Variants in TMEM163 observed in about 807,000 individuals in gnomAD.
The protein encoded by TMEM163 is transmembrane protein 163.
A neutral mutation model predicts 29.3 loss-of-function variants in TMEM163; 17 were observed. The observed-to-expected ratio is 0.58, with a 90% CI of 0.40 to 0.87. The LOEUF (loss-of-function observed/expected upper bound fraction) is 0.87. Among genes scored for constraint, TMEM163 ranks in the 40% least tolerant of loss-of-function variants. The pLI, the probability that TMEM163 is intolerant of heterozygous loss-of-function variation, is 0.00. For synonymous variants in TMEM163, 157 were observed against 160.6 expected (o/e 0.98, Z 0.17); for missense variants, 303 against 381.5 (o/e 0.79, Z 1.71).
At chr2:134,521,296 C>T (rs1407165563) in intron 4 of TMEM163, among the ~76,000 whole-genome samples, 2 of 152,148 alleles carry the variant, frequency 1.3e-5, no homozygotes, top group African/African-American at 4.8e-5. Flanking sequence ...CACGCCCAGC[C>T]AGGAACTTTT....
intron 6 of TMEM163, among the ~76,000 whole-genome samples, chr2:134,465,312 A>G (rs577714576): frequency 6.6e-6 from 1 of 152,330 alleles, no homozygotes; most frequent in African/African-American, 2.4e-5. Context: ...ACACATATAT[A>G]TAAACTTTTT....
rs149989908 is a variant in TMEM163, at chr2:134,524,469, C to T, written c.459-21472G>A. Reference sequence around the variant, plus strand: ...TGGTGGTTTGCTGCACCCATCAACACATCACCTAGGTATTAAGCCCCACAT... The same window carrying T: ...TGGTGGTTTGCTGCACCCATCAACATATCACCTAGGTATTAAGCCCCACAT... On this transcript the variant is annotated intron_variant, in intron 4 of 7. Transcript: ENST00000281924. 2.4e-3 allele frequency among the ~76,000 whole-genome samples: 364 copies of T among 150,348 alleles called. 26 individuals carry two copies. Among genetic ancestry groups the T allele is most frequent in the Admixed American group, 0.018 (274 of 15,126 alleles).
chr2:134,512,020 T>G (rs917108846), intron 4 of TMEM163, among the ~76,000 whole-genome samples: 1 of 152,200 alleles, frequency 6.6e-6, no homozygotes, highest in African/African-American at 2.4e-5. Flanking sequence ...TTTGTAGTTG[T>G]GTGTGTGCAG....
intron 4 of TMEM163, among the ~76,000 whole-genome samples, chr2:134,542,413 A>C (rs1435845825): frequency 1.3e-5 from 2 of 152,146 alleles, no homozygotes; most frequent in Non-Finnish European, 2.9e-5. Flanking sequence ...TTAGCTTCGT[A>C]CGGCTGCCAC....
At chr2:134,712,646 T>C (rs1319165759) in intron 2 of TMEM163, among the ~76,000 whole-genome samples, 1 of 152,220 alleles carries the variant, frequency 6.6e-6, no homozygotes, top group Non-Finnish European at 1.5e-5. Context: ...CAGGATTATC[T>C]GGCAGAAACT....
chr2:134,633,993 AT>A (rs1558971783), intron 2 of TMEM163, among the ~76,000 whole-genome samples: 3,460 of 113,230 alleles, frequency 0.031, 277 homozygotes, highest in East Asian at 0.072. Context: ...ATATATATAT[AT>A]ATATATATAT....
chr2:134,599,117 G>A (rs1054983263), intron 2 of TMEM163, among the ~76,000 whole-genome samples: 3 of 151,478 alleles, frequency 2.0e-5, no homozygotes, highest in African/African-American at 7.3e-5. Flanking sequence ...TCTGGGCTCA[G>A]ATGACCTTGC....
intron 2 of TMEM163, among the ~76,000 whole-genome samples, chr2:134,666,251 T>G (rs1683871554): frequency 6.6e-6 from 1 of 151,244 alleles, no homozygotes; most frequent in Non-Finnish European, 1.5e-5. Flanking sequence ...CCCCAATCCT[T>G]TCCCACCCTC....
intron 4 of TMEM163, among the ~76,000 whole-genome samples, chr2:134,546,675 T>C (rs1574226191): frequency 7.4e-6 from 1 of 134,362 alleles, no homozygotes; most frequent in East Asian, 2.2e-4. Context: ...TAGCCAGGTG[T>C]GGTGGTGCAT....
intron 2 of TMEM163, among the ~76,000 whole-genome samples, chr2:134,616,743 G>A (rs982233910): frequency 6.6e-6 from 1 of 152,168 alleles, no homozygotes; most frequent in African/African-American, 2.4e-5. Flanking sequence ...TTGTACTATA[G>A]TTATATAAGA....
intron 2 of TMEM163, among the ~76,000 whole-genome samples, chr2:134,644,246 G>GAT (rs1370506175): frequency 6.6e-6 from 1 of 151,986 alleles, no homozygotes; most frequent in Non-Finnish European, 1.5e-5. Context: ...TTTTTTTCTA[G>GAT]ATATAGAGGA....
chr2:134,456,490 G>T lies in TMEM163; in HGVS notation c.*226C>A. On this transcript the variant is annotated 3_prime_UTR_variant, in exon 8 of 8. Transcript: ENST00000281924. Reference sequence around the variant, plus strand: ...AAAAACGCCAGTCCCAGCTGGAGACGGGGAAGGAGGTCCATTCCTATGGGC... The same window carrying T: ...AAAAACGCCAGTCCCAGCTGGAGACTGGGAAGGAGGTCCATTCCTATGGGC... 1.8e-6 allele frequency: 1 copy of T among 566,924 alleles called. No homozygotes were observed. Among genetic ancestry groups the T allele is most frequent in the Non-Finnish European group, 3.2e-6 (1 of 315,002 alleles). 35.1% of individuals were successfully genotyped at this position (566,924 alleles called of 1,614,324 possible).
Position 134,456,689 on chromosome 2 carries a change from A to G in TMEM163, c.*27T>C, listed in dbSNP as rs994001006. The stretch of plus-strand genomic sequence containing the variant: ...GCCTATGTGGAAACTCCTCATCTCG[A>G]TGGTCTCATGCGGATGCTGGCCCCC... On this transcript the variant is annotated 3_prime_UTR_variant, in exon 8 of 8. Transcript: ENST00000281924. The G allele has an allele frequency of 6.2e-7, 1 of 1,613,546 alleles. No individual in the cohort carries two copies.
In TMEM163 at chr2:134,644,727, G is replaced by A. The variant is rs140008854; in HGVS notation, c.322+68473C>T. Among the ~76,000 whole-genome samples, 786 of 152,022 alleles carry A rather than the reference G, an allele frequency of 5.2e-3. 10 individuals are homozygous for A. Among genetic ancestry groups the A allele is most frequent in the East Asian group, 0.051 (266 of 5,166 alleles). ...AGTTAGGCAAAGAGTTTTTAGACACGACACCAAAAGCATGCTCCATAAAAG... is the reference window on the plus strand; with the variant it reads ...AGTTAGGCAAAGAGTTTTTAGACACAACACCAAAAGCATGCTCCATAAAAG... On this transcript the variant is annotated intron_variant, in intron 2 of 7. Coordinates refer to ENST00000281924, the MANE Select transcript of TMEM163 (RefSeq NM_030923.5).
intron 5 of TMEM163, among the ~76,000 whole-genome samples, chr2:134,480,425 T>C (rs937253325): frequency 1.3e-5 from 2 of 152,194 alleles, no homozygotes; most frequent in African/African-American, 2.4e-5. Context: ...TTTTTTTTAA[T>C]AGCACTTTTC....
intron 2 of TMEM163, among the ~76,000 whole-genome samples, chr2:134,587,151 C>T (rs577498839): frequency 6.6e-6 from 1 of 152,340 alleles, no homozygotes; most frequent in African/African-American, 2.4e-5. Context: ...TGGCTCACGC[C>T]TGTAATCCCA....
At chr2:134,650,889 C>A (rs1424483743) in intron 2 of TMEM163, among the ~76,000 whole-genome samples, 1 of 133,718 alleles carries the variant, frequency 7.5e-6, no homozygotes, top group Non-Finnish European at 1.5e-5. Flanking sequence ...TTTTTTATGG[C>A]TGCATTGTAT....
intron 2 of TMEM163, among the ~76,000 whole-genome samples, chr2:134,589,220 T>C (rs925070499): frequency 1.3e-5 from 2 of 151,962 alleles, no homozygotes; most frequent in Admixed American, 1.3e-4. Context: ...AAGAAAGAGG[T>C]CAAAATTCAA....
chr2:134,534,165 G>T (rs979764918), intron 4 of TMEM163, among the ~76,000 whole-genome samples: 2 of 152,128 alleles, frequency 1.3e-5, no homozygotes, highest in African/African-American at 2.4e-5. Flanking sequence ...CTCATTAAAT[G>T]AGTAAATATC....
Sources: gnomAD v4.1 joint callset for allele counts (sites outside exome capture counted in the v4.1 genomes callset) on GRCh38, gnomAD v4.1.1 for gene constraint, MANE v1.5 for transcripts, NCBI Gene and HGNC (gene_info 2026-07-23, HGNC 2026-07-21) for gene names.